The following CNGB1 variants were observed in gnomAD, a reference collection of about 807,000 sequenced individuals.
CNGB1 encodes the protein cyclic nucleotide-gated channel beta-1.
In CNGB1, 126 loss-of-function variants were observed where a neutral mutation model predicts 151.7. The ratio of observed to expected loss-of-function variants is 0.83; its 90% confidence interval spans 0.72 to 0.96. CNGB1 has a LOEUF of 0.96. Ranked by LOEUF, CNGB1 falls within the 40% of genes least tolerant of loss-of-function variation. The pLI is 0.00. For synonymous variants in CNGB1, 623 were observed against 635.1 expected (o/e 0.98, Z 0.29); for missense variants, 1,698 against 1,627.0 (o/e 1.04, Z -0.75).
rs1278552985 is a variant in CNGB1 at position 57,960,829 on chromosome 16, C to T, written c.534+11G>A. On this transcript the variant is annotated intron_variant, in intron 8 of 32. Coordinates refer to ENST00000251102, the MANE Select transcript of CNGB1 (RefSeq NM_001297.5). ...ATACTCAACTCCCTGCCTCTCCCTT[C>T]CTTGGCTCACCTCAGAGGATTTGGG... 3 of 1,613,492 alleles carry T rather than the reference C, an allele frequency of 1.9e-6. No individual in the cohort carries two copies. Among genetic ancestry groups the T allele is most frequent in the Non-Finnish European group, 2.5e-6 (3 of 1,179,820 alleles).
intron 3 of CNGB1, 47 bp from the exon 4 acceptor site, chr16:57,964,249 C>A: frequency 1.3e-6 from 2 of 1,584,282 alleles, no homozygotes; most frequent in Non-Finnish European, 1.7e-6. Context: ...TCAGACAGGC[C>A]CATTTCTACC....
At chr16:57,903,022 C>T (rs2149358044) in intron 27 of CNGB1, among the ~76,000 whole-genome samples, 1 of 152,184 alleles carries the variant, frequency 6.6e-6, no homozygotes, top group African/African-American at 2.4e-5. Flanking sequence ...GGACCCCAAC[C>T]TGGCTGTGGA....
chr16:57,932,134 C>T (rs868773468), intron 16 of CNGB1, among the ~76,000 whole-genome samples: 44 of 152,298 alleles, frequency 2.9e-4, no homozygotes, highest in African/African-American at 1.1e-3. Flanking sequence ...CGGGAGCTCC[C>T]CTACACAGCC....
intron 12 of CNGB1, among the ~76,000 whole-genome samples, chr16:57,953,997 C>T (rs1597008169): frequency 6.6e-6 from 1 of 152,152 alleles, no homozygotes; most frequent in African/African-American, 2.4e-5. Context: ...GGAAGTGTCC[C>T]TGCTTTGATT....
At chr16:57,967,892 A>G (rs1962441792) in intron 1 of CNGB1, among the ~76,000 whole-genome samples, 1 of 152,190 alleles carries the variant, frequency 6.6e-6, no homozygotes. Flanking sequence ...TTATAGCAAA[A>G]GATGAAAAAC....
intron 27 of CNGB1, among the ~76,000 whole-genome samples, 181 bp downstream of exon 27, chr16:57,903,641 A>C (rs1596961802): frequency 1.3e-5 from 2 of 152,184 alleles, no homozygotes; most frequent in East Asian, 3.9e-4. Context: ...TGCTAGAGGC[A>C]CTTCAGGGGC....
chr16:57,920,304 C>T lies in CNGB1; in HGVS notation c.1801+83G>A, dbSNP rs1374761896. 5.9e-5 allele frequency: 89 copies of T among 1,511,962 alleles called. No individual in the cohort carries two copies. The East Asian group carries it at 2.0e-3, about 34-fold the overall frequency. The allele number at this position is 1,511,962 out of a possible 1,614,324, so 93.7% of individuals were successfully genotyped here. A position where few individuals can be genotyped will look rare whatever the true frequency, so the allele number is the denominator to read the frequency against. ...TGGACCTCAACCATTTCCTTGGGGC[C>T]ACCCTTGCCATGAGTTGACAGGGAA... On this transcript the variant is annotated intron_variant, in intron 19 of 32. Transcript: ENST00000251102.
Position 57,931,881 on chromosome 16 carries a change from G to A in CNGB1, c.1373-3C>T. Reference sequence around the variant, plus strand: ...TGGGTGCTGTTTCGTGGCAGGCACTGGGGGAGAGGAAGGAGAGGAGAAAGT... The same window carrying A: ...TGGGTGCTGTTTCGTGGCAGGCACTAGGGGAGAGGAAGGAGAGGAGAAAGT... On this transcript the variant is annotated splice_region_variant and splice_polypyrimidine_tract_variant and intron_variant, in intron 16 of 32. Coordinates refer to ENST00000251102, the MANE Select transcript of CNGB1 (RefSeq NM_001297.5). 6.2e-7 allele frequency: 1 copy of A among 1,613,918 alleles called. No individual in the cohort carries two copies. The highest frequency in any genetic ancestry group is 1.3e-5 in the African/African-American group (1 of 75,010).
chr16:57,928,893 C>T (rs1961264410), intron 17 of CNGB1, among the ~76,000 whole-genome samples: 1 of 152,170 alleles, frequency 6.6e-6, no homozygotes, highest in African/African-American at 2.4e-5. Flanking sequence ...TCTGCCTCCG[C>T]CTCCCAAAGT....
At position 57,899,282 on chromosome 16, in the gene CNGB1, G is replaced by C. The variant is rs183349418; in HGVS notation, c.2977-1368C>G. Reference sequence around the variant, plus strand: ...CGGCCCTTGTCCTGGCCAGCTACCTGTGAGTCACATGTGTTTAAAAGGGGA... The same window carrying C: ...CGGCCCTTGTCCTGGCCAGCTACCTCTGAGTCACATGTGTTTAAAAGGGGA... On this transcript the variant is annotated intron_variant, in intron 29 of 32. Coordinates refer to ENST00000251102, the MANE Select transcript of CNGB1 (RefSeq NM_001297.5). Among the ~76,000 whole-genome samples, 403 of 152,220 alleles carry C rather than the reference G, an allele frequency of 2.6e-3. 2 individuals are homozygous for C. Among genetic ancestry groups the C allele is most frequent in the African/African-American group, 9.5e-3 (394 of 41,516 alleles).
chr16:57,944,533 T>C (rs1350634500), intron 14 of CNGB1, among the ~76,000 whole-genome samples: 1 of 152,130 alleles, frequency 6.6e-6, no homozygotes, highest in Non-Finnish European at 1.5e-5. Context: ...TAAACTGTTC[T>C]CACCACAAAA....
At chr16:57,884,839 A>G (rs375234100) in intron 32 of CNGB1, among the ~76,000 whole-genome samples, 1 of 152,078 alleles carries the variant, frequency 6.6e-6, no homozygotes. Flanking sequence ...TGAACCAACC[A>G]TCTGTTACCA....
chr16:57,924,407 C>T (rs146617149), intron 17 of CNGB1, among the ~76,000 whole-genome samples: 3 of 151,996 alleles, frequency 2.0e-5, no homozygotes, highest in East Asian at 1.9e-4. Context: ...TGGAGGACTC[C>T]GCCCAGGCCA....
intron 7 of CNGB1, 54 bp downstream of exon 7, chr16:57,962,511 G>A (rs1355884078): frequency 5.8e-6 from 9 of 1,539,476 alleles, no homozygotes; most frequent in Non-Finnish European, 8.1e-6. Flanking sequence ...CCAAGGACCT[G>A]TTCCTCCCAC....
intron 25 of CNGB1, among the ~76,000 whole-genome samples, chr16:57,910,043 A>G (rs553449912): frequency 8.7e-4 from 132 of 152,356 alleles, no homozygotes; most frequent in Non-Finnish European, 1.2e-3. Flanking sequence ...CATCACCACC[A>G]TTGTAAACCA....
At chr16:57,897,702 A>T in intron 30 of CNGB1, 94 bp downstream of exon 30, 4 of 1,523,488 alleles carry the variant, frequency 2.6e-6, no homozygotes, top group Non-Finnish European at 3.6e-6. Flanking sequence ...CCAGTGCTGC[A>T]TCTACCAAGC....
rs1960722338 is a variant in CNGB1, at chr16:57,911,796, C to T, written c.2449G>A (p.Gly817Ser). ...TAAACCCAGTGAGTGGAGCCGAGGC[C>T]CTGATAGGCCGATGCCCAGTAATAA... Reference protein sequence around the residue: ...CLYYWASAYQGLGSTHWVYDG... With the variant: ...CLYYWASAYQSLGSTHWVYDG... The change falls in exon 25 of 33, where the codon GGC becomes AGC. Residue 817 changes from glycine to serine, a missense_variant. Coordinates refer to ENST00000251102, the MANE Select transcript of CNGB1 (RefSeq NM_001297.5). 1.2e-6 allele frequency: 2 copies of T among 1,614,086 alleles called. No individual in the cohort carries two copies. Among genetic ancestry groups the T allele is most frequent in the Admixed American group, 1.7e-5 (1 of 60,030 alleles).
chr16:57,967,495 A>G, intron 1 of CNGB1: 2 of 585,176 alleles, frequency 3.4e-6, no homozygotes, highest in South Asian at 3.9e-5. Context: ...GGAGTTTGAG[A>G]TCAGCCTGGG....
intron 26 of CNGB1, among the ~76,000 whole-genome samples, 190 bp downstream of exon 26, chr16:57,904,544 A>G (rs1238581353): frequency 6.6e-6 from 1 of 152,142 alleles, no homozygotes; most frequent in Admixed American, 6.6e-5. Flanking sequence ...TCAGAGAGGG[A>G]ATAGGGCCGA....
Sources: allele counts gnomAD v4.1 joint callset (sites outside exome capture counted in the v4.1 genomes callset), GRCh38; gene constraint gnomAD v4.1.1; transcripts MANE v1.5; gene names NCBI Gene and HGNC (gene_info 2026-07-23, HGNC 2026-07-21).